Variants in COPA observed in about 807,000 individuals in gnomAD.
COPA encodes coat protein complex I subunit alpha.
In COPA, 10 loss-of-function variants were observed where a neutral mutation model predicts 158.7. The ratio of observed to expected loss-of-function variants is 0.06; its 90% CI spans 0.04 to 0.11. The LOEUF is 0.11. Ranked by LOEUF, COPA falls within the 10% of genes least tolerant of loss-of-function variation. The probability of loss-of-function intolerance (pLI) is 1.00; values close to 1 mark genes in which losing one functional copy is unlikely to be tolerated. For missense variants in COPA, 1,065 were observed against 1,536.7 expected (o/e 0.69, Z 5.13); for synonymous variants, 462 against 542.8 (o/e 0.85, Z 2.07).
intron 8 of COPA, among the ~76,000 whole-genome samples, chr1:160,316,436 A>G (rs1486983387): frequency 6.6e-6 from 1 of 151,788 alleles, no homozygotes; most frequent in Admixed American, 6.6e-5. Context: ...AAGATACAGA[A>G]AATTGCCTCA....
chr1:160,295,716 T>C lies in COPA; in HGVS notation c.2476+20A>G, dbSNP rs368616759. The C allele has an allele frequency of 1.3e-4, 198 of 1,583,792 alleles. No homozygotes were observed. The African/African-American group carries it at 2.2e-3, about 18-fold the overall frequency. On this transcript the variant is annotated intron_variant, in intron 23 of 32. Transcript: ENST00000241704. ...CACAAAACAAACAACAAAAGTGCTA[T>C]GGGAGAAATAGGTACTTACCTTTGC...
chr1:160,310,435 T>C, intron 11 of COPA, 177 bp from the exon 12 acceptor site: 1 of 410,924 alleles, frequency 2.4e-6, no homozygotes, highest in Non-Finnish European at 4.4e-6. Context: ...CTTGGCAACT[T>C]CCCTAGCTCA....
chr1:160,319,588 C>T (rs1253707801), intron 8 of COPA, among the ~76,000 whole-genome samples: 2 of 150,680 alleles, frequency 1.3e-5, no homozygotes, highest in Non-Finnish European at 3.0e-5. Context: ...ATATTCTTTT[C>T]ATCAGCACAT....
rs974830090 is a variant in COPA at position 160,333,099 on chromosome 1, T to C, written c.386+504A>G. ...CCACCGCGTCCAGCTTATTTTTGTA[T>C]TTTTAGTAGAGACGGGGTTTCACCA... On this transcript the variant is annotated intron_variant, in intron 5 of 32. Coordinates refer to ENST00000241704, the MANE Select transcript of COPA (RefSeq NM_004371.4). Among the ~76,000 whole-genome samples the C allele has an allele frequency of 9.3e-4, 142 of 152,340 alleles. 2 individuals are homozygous for C. The highest frequency in any genetic ancestry group is 2.6e-4 in the Non-Finnish European group (18 of 68,034).
intron 23 of COPA, 45 bp from the exon 24 acceptor site, chr1:160,294,902 G>A (rs756341566): frequency 6.4e-7 from 1 of 1,555,682 alleles, no homozygotes; most frequent in East Asian, 2.2e-5. Flanking sequence ...AGTCCAGCAA[G>A]TCTGAGATAC....
At chr1:160,291,761 C>G (rs1304503082) in intron 30 of COPA, 58 bp downstream of exon 30, 11 of 1,539,440 alleles carry the variant, frequency 7.1e-6, no homozygotes, top group Non-Finnish European at 9.8e-6. Context: ...GAATTCAAAC[C>G]TAGTGAAGGG....
At chr1:160,292,715 C>A in intron 27 of COPA, 95 bp from the exon 28 acceptor site, 1 of 1,006,880 alleles carries the variant, frequency 9.9e-7, no homozygotes, top group South Asian at 1.7e-5. Flanking sequence ...TTCACGTTTC[C>A]TCATCAGTAA....
intron 8 of COPA, among the ~76,000 whole-genome samples, chr1:160,316,520 G>A (rs1362264076): frequency 6.6e-6 from 1 of 152,102 alleles, no homozygotes; most frequent in Non-Finnish European, 1.5e-5. Context: ...GGAGGCTGAG[G>A]TGGGCGGATC....
chr1:160,308,977 C>T, intron 13 of COPA, 124 bp downstream of exon 13: 1 of 732,692 alleles, frequency 1.4e-6, no homozygotes, highest in Non-Finnish European at 2.4e-6. Flanking sequence ...GTCAGCAGCA[C>T]CTGCCAACAG....
chr1:160,317,381 C>G (rs1197613222), intron 8 of COPA: 1 of 1,601,068 alleles, frequency 6.2e-7, no homozygotes, highest in Non-Finnish European at 8.5e-7. Flanking sequence ...CGGAGACCCC[C>G]GGGTGAAGCC....
chr1:160,296,225 G>GC (rs1003455739), intron 21 of COPA, 76 bp from the exon 22 acceptor site: 2 of 1,243,900 alleles, frequency 1.6e-6, no homozygotes, highest in Admixed American at 1.8e-5. Context: ...CTCTGAAATG[G>GC]CCCCCCAGTA....
chr1:160,294,893 G>C, intron 23 of COPA, 36 bp from the exon 24 acceptor site: 3 of 1,587,046 alleles, frequency 1.9e-6, no homozygotes, highest in Non-Finnish European at 2.6e-6. Flanking sequence ...ACTGGTTATA[G>C]TCCAGCAAGT....
At chr1:160,293,540 A>C in intron 25 of COPA, 77 bp from the exon 26 acceptor site, 1 of 1,144,470 alleles carries the variant, frequency 8.7e-7, no homozygotes, top group Non-Finnish European at 1.2e-6. Flanking sequence ...TGTCACCTAG[A>C]CTGGAGTACA....
intron 1 of COPA, among the ~76,000 whole-genome samples, chr1:160,341,602 G>C (rs1025214370): frequency 5.9e-5 from 9 of 152,292 alleles, no homozygotes; most frequent in Admixed American, 2.0e-4. Context: ...TCAATATACA[G>C]TCTCATGAAG....
intron 11 of COPA, chr1:160,310,594 G>A (rs922915221): frequency 4.3e-5 from 7 of 163,660 alleles, no homozygotes; most frequent in African/African-American, 1.4e-4. Context: ...ACACCACAGA[G>A]TAACATAATG....
In COPA at chr1:160,327,971, T is replaced by C. The variant is rs76327523; in HGVS notation, c.497-2319A>G. Among the ~76,000 whole-genome samples, 271 of 152,332 alleles carry C rather than the reference T, an allele frequency of 1.8e-3. 3 individuals are homozygous for C. In the East Asian group the frequency reaches 0.025, roughly 14 times the overall value. On this transcript the variant is annotated intron_variant, in intron 6 of 32. Transcript: ENST00000241704. ...TATATTTATTGTTTTAAAATTATAA[T>C]ATATCTCTTCTGTTATGGTGGCACC...
chr1:160,327,942 CATTTAT>C (rs1420548797), intron 6 of COPA, among the ~76,000 whole-genome samples: 7 of 152,198 alleles, frequency 4.6e-5, no homozygotes, highest in Non-Finnish European at 1.0e-4. Context: ...TTAATAACTG[CATTTAT>C]ATTTATTGTT....
Position 160,292,093 on chromosome 1 carries a change from A to G in COPA, c.3066T>C (p.Phe1022=), listed in dbSNP as rs1658256520. The change falls in exon 29 of 33, where the codon TTT becomes TTC. Residue 1022 remains phenylalanine, a synonymous_variant. Coordinates refer to ENST00000241704, the MANE Select transcript of COPA (RefSeq NM_004371.4). ...LCYQLTTVGK[F]EEAVEKFRSI... ...AACGGAATTTTTCCACAGCCTCCTCAAATTTGCCAACTGTGGTGAGCTGGT... is the reference window on the plus strand; with the variant it reads ...AACGGAATTTTTCCACAGCCTCCTCGAATTTGCCAACTGTGGTGAGCTGGT... 6.2e-7 allele frequency: 1 copy of G among 1,614,228 alleles called. No homozygotes were observed. Among genetic ancestry groups the G allele is most frequent in the Non-Finnish European group, 8.5e-7 (1 of 1,180,042 alleles).
At position 160,297,408 on chromosome 1, in the gene COPA, T is replaced by G; in HGVS notation, c.2198A>C (p.Tyr733Ser). The change falls in exon 21 of 33, where the codon TAT becomes TCT. Residue 733 changes from tyrosine (Y) to serine (S), a missense_variant. Around this residue, in one of 2 missense-constraint regions of COPA, gnomAD observed 980 missense variants for 1,357.8 expected, o/e 0.72. Coordinates refer to ENST00000241704, the MANE Select transcript of COPA (RefSeq NM_004371.4). ...ATCACCCAGGTATAGGGCATTCTGA[T>G]AGTGGCCACTCATGTCCTTTCTGAT... ...AEIRKDMSGHYQNALYLGDVS... is the reference protein window; with the variant it reads ...AEIRKDMSGHSQNALYLGDVS... 1 of 1,614,190 alleles carries G rather than the reference T, an allele frequency of 6.2e-7. No individual in the cohort carries two copies. The highest frequency in any genetic ancestry group is 1.1e-5 in the South Asian group (1 of 91,078).
Sources: allele counts gnomAD v4.1 joint callset (sites outside exome capture counted in the v4.1 genomes callset), GRCh38; gene constraint gnomAD v4.1.1; regional missense constraint gnomAD v4.1.1; transcripts MANE v1.5; gene names NCBI Gene and HGNC (gene_info 2026-07-23, HGNC 2026-07-21).